The following MICAL3 variants were observed in gnomAD, a reference collection of about 807,000 sequenced individuals.
The protein encoded by MICAL3 is microtubule associated monooxygenase, calponin and LIM domain containing 3.
MICAL3 carries 62 observed loss-of-function variants against 207.4 expected under a neutral mutation model. The ratio of observed to expected loss-of-function variants is 0.30; its 90% CI spans 0.24 to 0.37. The LOEUF is 0.37. MICAL3 is among the 10% of genes least tolerant of loss of function. The probability of loss-of-function intolerance (pLI) is 1.00; values close to 1 mark genes in which losing one functional copy is unlikely to be tolerated. For synonymous variants in MICAL3, 1,077 were observed against 1,069.3 expected, an observed-to-expected ratio of 1.01 and a Z score of -0.14; for missense variants, 2,368 against 2,635.6, an observed-to-expected ratio of 0.90 and a Z score of 2.22.
chr22:17,883,266 C>T lies in MICAL3; in HGVS notation c.2241+2612G>A, dbSNP rs542875869. ...GAGAAAGAATGAATTCGCCTTCTGT[C>T]GTGAGTTTGGACACTGCTCCCAAAA... On this transcript the variant is annotated intron_variant, in intron 16 of 31. Coordinates refer to ENST00000441493, the MANE Select transcript of MICAL3 (RefSeq NM_015241.3). Among the ~76,000 whole-genome samples, 13 of 152,316 alleles carry T rather than the reference C, an allele frequency of 8.5e-5. No individual in the cohort carries two copies. The East Asian group carries it at 1.7e-3, about 20-fold the overall frequency.
chr22:17,988,236 C>T (rs2040487772), intron 1 of MICAL3, among the ~76,000 whole-genome samples: 2 of 152,224 alleles, frequency 1.3e-5, no homozygotes. Context: ...TTATCCGGGG[C>T]GCTGCCCTCT....
intron 19 of MICAL3, chr22:17,860,133 A>G: frequency 1.1e-6 from 1 of 947,574 alleles, no homozygotes; most frequent in Non-Finnish European, 1.3e-6. Context: ...AGAGAAAGGG[A>G]AGGAAAAGAA....
intron 19 of MICAL3, chr22:17,862,306 G>T: frequency 1.1e-6 from 1 of 920,970 alleles, no homozygotes; most frequent in Non-Finnish European, 1.3e-6. Flanking sequence ...TCAGGCTGGA[G>T]TGCAGTGGTG....
chr22:17,971,720 A>T (rs1361646092), intron 1 of MICAL3, among the ~76,000 whole-genome samples: 1 of 152,224 alleles, frequency 6.6e-6, no homozygotes, highest in African/African-American at 2.4e-5. Flanking sequence ...ATACATCCAT[A>T]CTTACACACT....
At chr22:17,866,673 A>C (rs533372583) in intron 17 of MICAL3, among the ~76,000 whole-genome samples, 1 of 138,756 alleles carries the variant, frequency 7.2e-6, no homozygotes, top group Non-Finnish European at 1.6e-5. Flanking sequence ...TAGAATATAG[A>C]ATAGAATAGA....
At position 17,790,484 on chromosome 22, in the gene MICAL3, C is replaced by T. The variant is rs902174878; in HGVS notation, c.*248G>A. ...GTCCCCTGCGTCATGCCATACACGCCGTGCTGCTCCTCTGAGTGGGAGGTC... is the reference window on the plus strand; with the variant it reads ...GTCCCCTGCGTCATGCCATACACGCTGTGCTGCTCCTCTGAGTGGGAGGTC... On this transcript the variant is annotated 3_prime_UTR_variant, in exon 32 of 32. Transcript: ENST00000441493. The T allele has an allele frequency of 1.4e-5, 8 of 552,496 alleles. No homozygotes were observed. Among genetic ancestry groups the T allele is most frequent in the Non-Finnish European group, 1.9e-5 (6 of 309,710 alleles). 34.2% of individuals were successfully genotyped at this position (552,496 alleles called of 1,614,324 possible). A position where few individuals can be genotyped will look rare whatever the true frequency, so the allele number is the denominator to read the frequency against.
At chr22:17,898,530 CA>C (rs1931052708) in intron 7 of MICAL3, among the ~76,000 whole-genome samples, 1 of 152,196 alleles carries the variant, frequency 6.6e-6, no homozygotes, top group African/African-American at 2.4e-5. Context: ...TACTGTAGCT[CA>C]GACTAAAGTG....
Position 17,841,971 on chromosome 22 carries a change from C to T in MICAL3, c.2652G>A (p.Leu884=), listed in dbSNP as rs375525678. 1.8e-5 allele frequency: 29 copies of T among 1,606,790 alleles called. No individual in the cohort carries two copies. The highest frequency in any genetic ancestry group is 2.5e-5 in the Non-Finnish European group (29 of 1,179,362). ...GLEEPSIAKR[L]RGTPERIELE... ...GCTCGATCCGCTCTGGGGTGCCCCTCAGTCGCTTGGCGATGCTGGGCTCCT... is the reference window on the plus strand; with the variant it reads ...GCTCGATCCGCTCTGGGGTGCCCCTTAGTCGCTTGGCGATGCTGGGCTCCT... The change falls in exon 20 of 32, where the codon CTG becomes CTA. Residue 884 remains leucine, a synonymous_variant. Transcript: ENST00000441493. The surrounding 1 kb of genome is among the most constrained non-coding windows in gnomAD (Gnocchi z 4.2).
chr22:17,927,017 C>T (rs80194287), intron 1 of MICAL3, among the ~76,000 whole-genome samples: 4,507 of 152,284 alleles, frequency 0.03, 88 homozygotes, highest in South Asian at 0.036. Flanking sequence ...GCACAACCAT[C>T]GCCACTGTCT....
intron 1 of MICAL3, among the ~76,000 whole-genome samples, chr22:17,965,003 C>G (rs1935080775): frequency 6.6e-6 from 1 of 152,134 alleles, no homozygotes; most frequent in Non-Finnish European, 1.5e-5. Flanking sequence ...GGGCACAGAG[C>G]AGGTGCGGGC....
rs573764061 is a variant in MICAL3 at position 17,863,696 on chromosome 22, C to T, written c.2605+1203G>A. ...TCTCATGGCTCCCAGGGCACACCGC[C>T]TAGCCTCTGGGCGCATCTTCCCTCT... On this transcript the variant is annotated intron_variant, in intron 19 of 31. Coordinates refer to ENST00000441493, the MANE Select transcript of MICAL3 (RefSeq NM_015241.3). The T allele has an allele frequency of 3.6e-5, 35 of 985,452 alleles. No individual in the cohort carries two copies. The African/African-American group carries it at 6.1e-4, about 17-fold the overall frequency. The allele number at this position is 985,452 out of a possible 1,614,324, so 61.0% of individuals were successfully genotyped here. A position where few individuals can be genotyped will look rare whatever the true frequency, so the allele number is the denominator to read the frequency against.
At position 17,972,408 on chromosome 22, in the gene MICAL3, C is replaced by G. The variant is rs947030235; in HGVS notation, c.-75+51873G>C. Among the ~76,000 whole-genome samples the G allele has an allele frequency of 7.2e-5, 11 of 152,302 alleles. No homozygotes were observed. The East Asian group carries it at 2.1e-3, about 29-fold the overall frequency. On this transcript the variant is annotated intron_variant, in intron 1 of 31. Transcript: ENST00000441493. ...TCCAAGTAGAAACTGAAATCTGGAG[C>G]GAACCAGGCTAAGCTACCTGGGAGG... is the stretch of plus-strand genomic sequence containing the variant.
chr22:17,973,076 C>T (rs1177903028), intron 1 of MICAL3, among the ~76,000 whole-genome samples: 1 of 152,250 alleles, frequency 6.6e-6, no homozygotes, highest in Non-Finnish European at 1.5e-5. Flanking sequence ...CCTGTGACTC[C>T]GAGCCTACTT....
chr22:17,994,130 G>A (rs1197332678), intron 1 of MICAL3, among the ~76,000 whole-genome samples: 1 of 152,204 alleles, frequency 6.6e-6, no homozygotes, highest in Non-Finnish European at 1.5e-5. Flanking sequence ...GTGCTCATCA[G>A]CGCCAGGTGC....
rs1921136499 is a variant in MICAL3 at position 17,817,541 on chromosome 22, C to T, written c.5120G>A (p.Arg1707Lys). ...KKRSSLFSPR[R>K]NKKEKKSKGE... ...TTTGGACTTCTTCTCCTTCTTGTTT[C>T]TGCGGGGGGAGAAGAGTGACGACCT... The change falls in exon 26 of 32, where the codon AGA becomes AAA. Residue 1707 changes from arginine to lysine, a missense_variant. Coordinates refer to ENST00000441493, the MANE Select transcript of MICAL3 (RefSeq NM_015241.3). 2 of 1,613,536 alleles carry T rather than the reference C, an allele frequency of 1.2e-6. No individual in the cohort carries two copies. The highest frequency in any genetic ancestry group is 8.5e-7 in the Non-Finnish European group (1 of 1,179,814).
Position 17,790,917 on chromosome 22 carries a change from C to T in MICAL3, c.5825-1G>A, listed in dbSNP as rs1394860451. The stretch of plus-strand genomic sequence containing the variant: ...AGCTCCTCCTCAGTCTTAAGGTGAT[C>T]TTGAAGGAGAAGAAGGCATGAGGTG... On this transcript the variant is annotated splice_acceptor_variant, in intron 31 of 31. Transcript: ENST00000441493. LOFTEE classifies it high-confidence loss of function. The T allele has an allele frequency of 2.5e-6, 4 of 1,613,704 alleles. No homozygotes were observed. The highest frequency in any genetic ancestry group is 2.5e-6 in the Non-Finnish European group (3 of 1,179,872).
intron 1 of MICAL3, among the ~76,000 whole-genome samples, chr22:17,985,976 C>T (rs540951614): frequency 2.0e-5 from 3 of 152,282 alleles, no homozygotes; most frequent in East Asian, 3.9e-4. Context: ...GCAGCAATCT[C>T]GGCTCACTGA....
intron 7 of MICAL3, among the ~76,000 whole-genome samples, chr22:17,898,711 C>T (rs964923163): frequency 6.6e-6 from 1 of 152,194 alleles, no homozygotes; most frequent in Non-Finnish European, 1.5e-5. Context: ...CCAGGAAAGA[C>T]TTAAAAAACT....
At chr22:17,889,673 G>A (rs1401599827) in intron 12 of MICAL3, among the ~76,000 whole-genome samples, 2 of 152,066 alleles carry the variant, frequency 1.3e-5, no homozygotes, top group Admixed American at 6.6e-5. Context: ...TAGGCATGGC[G>A]GCATATGCCT....
Sources: gnomAD v4.1 joint callset for allele counts (sites outside exome capture counted in the v4.1 genomes callset) on GRCh38, gnomAD v4.1.1 for gene constraint, Gnocchi (gnomAD v3.1) non-coding constraint, MANE v1.5 for transcripts, NCBI Gene and HGNC (gene_info 2026-07-23, HGNC 2026-07-21) for gene names.